Variants in SENP6 observed in about 807,000 individuals in gnomAD.
SENP6 encodes the protein SUMO specific peptidase 6, also known as sentrin-specific protease 6.
In SENP6, 41 loss-of-function variants were observed where a neutral mutation model predicts 134.5. The ratio of observed to expected loss-of-function variants is 0.30; its 90% CI spans 0.24 to 0.40. SENP6 has a LOEUF of 0.40. Among genes scored for constraint, SENP6 ranks in the 10% least tolerant of loss-of-function variants. The pLI is 1.00. For synonymous variants in SENP6, 395 were observed against 429.8 expected (o/e 0.92, Z 1.00); for missense variants, 1,248 against 1,312.5 (o/e 0.95, Z 0.76).
chr6:75,638,607 TA>T, intron 5 of SENP6, among the ~76,000 whole-genome samples: 1 of 60,152 alleles, frequency 1.7e-5, no homozygotes, highest in Non-Finnish European at 3.5e-5. Flanking sequence ...TATATATATA[TA>T]TATATATATA....
In SENP6 at chr6:75,602,492, G is replaced by A. The variant is rs1413561580; in HGVS notation, c.-33G>A. The stretch of plus-strand genomic sequence containing the variant: ...CGAGCACGGCGGCGGTGTGGGCCAT[G>A]GATTAAGAAGGAGGCGGCGTGGGAG... On this transcript the variant is annotated 5_prime_UTR_variant, in exon 1 of 24. An upstream start codon of the reference 5' UTR is lost. Transcript: ENST00000447266. 5 of 1,550,506 alleles carry A rather than the reference G, an allele frequency of 3.2e-6. No homozygotes were observed. Among genetic ancestry groups the A allele is most frequent in the Non-Finnish European group, 4.4e-6 (5 of 1,146,790 alleles).
At position 75,705,924 on chromosome 6, in the gene SENP6, CCTTTTTTTTTTTTT is replaced by C. The variant is rs1292057684; in HGVS notation, c.2716+2853_2716+2866del. ...AGTGAGTTAGAAAGCTATTTTTGAG[CCTTTTTTTTTTTTT>C]TTTTTTTTTTTTTTTTGAGATGGAG... On this transcript the variant is annotated intron_variant, in intron 19 of 23. Coordinates refer to ENST00000447266, the MANE Select transcript of SENP6 (RefSeq NM_015571.4). Among the ~76,000 whole-genome samples the C allele has an allele frequency of 4.4e-4, 39 of 89,288 alleles. 3 individuals are homozygous for C. The highest frequency in any genetic ancestry group is 7.3e-4 in the South Asian group (2 of 2,724). 58.6% of individuals were successfully genotyped at this position (89,288 alleles called of 152,430 possible). A position where few individuals can be genotyped will look rare whatever the true frequency, so the allele number is the denominator to read the frequency against.
At position 75,709,521 on chromosome 6, in the gene SENP6, A is replaced by G; in HGVS notation, c.2717-6A>G. The G allele has an allele frequency of 6.2e-7, 1 of 1,605,104 alleles. No individual in the cohort carries two copies. Among genetic ancestry groups the G allele is most frequent in the Non-Finnish European group, 8.5e-7 (1 of 1,172,010 alleles). On this transcript the variant is annotated splice_polypyrimidine_tract_variant and splice_region_variant and intron_variant, in intron 19 of 23. Transcript: ENST00000447266. ...TTTTATTATGTAATGTTTCTTATTGATACAGATGGCTTAAGCAAAATCAGA... is the reference window on the plus strand; with the variant it reads ...TTTTATTATGTAATGTTTCTTATTGGTACAGATGGCTTAAGCAAAATCAGA...
intron 16 of SENP6, 103 bp from the exon 17 acceptor site, chr6:75,695,701 C>T (rs994950743): frequency 4.5e-6 from 4 of 886,178 alleles, no homozygotes; most frequent in Non-Finnish European, 5.0e-6. Flanking sequence ...CGCTCCACTG[C>T]ACTCCAGCCT....
At position 75,647,780 on chromosome 6, in the gene SENP6, T is replaced by A. The variant is rs1770569806; in HGVS notation, c.529T>A (p.Leu177Ile). The change falls in exon 7 of 24, where the codon TTA becomes ATA. Residue 177 changes from leucine (L) to isoleucine (I), a missense_variant. Coordinates refer to ENST00000447266, the MANE Select transcript of SENP6 (RefSeq NM_015571.4). ...VQKVEINPVRLSRLQGVERIM... is the reference protein window; with the variant it reads ...VQKVEINPVRISRLQGVERIM... ...AAAAGTTGAAATTAATCCTGTAAGG[T>A]TAAGTCGGCTCCAAGGTGTTGGTAA... 6.2e-7 allele frequency: 1 copy of A among 1,612,992 alleles called. No individual in the cohort carries two copies. Among genetic ancestry groups the A allele is most frequent in the Admixed American group, 1.7e-5 (1 of 59,978 alleles).
intron 3 of SENP6, among the ~76,000 whole-genome samples, chr6:75,632,273 C>T (rs541661972): frequency 1.6e-4 from 24 of 152,126 alleles, no homozygotes; most frequent in Admixed American, 3.3e-4. Flanking sequence ...TTTTTTGGAA[C>T]GCAATTGACT....
chr6:75,604,426 A>C (rs1236138384), intron 1 of SENP6, among the ~76,000 whole-genome samples: 1 of 152,144 alleles, frequency 6.6e-6, no homozygotes, highest in Non-Finnish European at 1.5e-5. Flanking sequence ...GAGGCCAGGA[A>C]TTGGTGACCA....
At chr6:75,712,970 G>T (rs1775835749) in intron 21 of SENP6, among the ~76,000 whole-genome samples, 1 of 151,956 alleles carries the variant, frequency 6.6e-6, no homozygotes, top group African/African-American at 2.4e-5. Flanking sequence ...AGCTGAGTGT[G>T]GTCACATATG....
chr6:75,602,451 C>A lies in SENP6; in HGVS notation c.-74C>A. On this transcript the variant is annotated 5_prime_UTR_variant, in exon 1 of 24. Transcript: ENST00000447266. ...CTGCGGCGTCTACCCTCCTCCGGCG[C>A]GGCCCCTCATCCCGGCGAGCACGGC... is the stretch of plus-strand genomic sequence containing the variant. 1 of 1,514,666 alleles carries A rather than the reference C, an allele frequency of 6.6e-7. No homozygotes were observed. The highest frequency in any genetic ancestry group is 9.0e-7 in the Non-Finnish European group (1 of 1,117,292). 93.8% of individuals were successfully genotyped at this position (1,514,666 alleles called of 1,614,324 possible). A position where few individuals can be genotyped will look rare whatever the true frequency, so the allele number is the denominator to read the frequency against.
intron 19 of SENP6, 76 bp from the exon 20 acceptor site, chr6:75,709,451 G>T (rs1775620482): frequency 1.1e-6 from 1 of 901,784 alleles, no homozygotes; most frequent in Non-Finnish European, 1.8e-6. Context: ...TTAACTACTA[G>T]CATTAATTTC....
chr6:75,621,019 T>C (rs1399490170), intron 1 of SENP6, among the ~76,000 whole-genome samples: 1 of 152,216 alleles, frequency 6.6e-6, no homozygotes, highest in Non-Finnish European at 1.5e-5. Flanking sequence ...AAATTCATAA[T>C]GAGCACATTT....
In SENP6 at chr6:75,659,389, A is replaced by G. The variant is rs1771604007; in HGVS notation, c.678A>G (p.Lys226=). 6 of 1,609,252 alleles carry G rather than the reference A, an allele frequency of 3.7e-6. No individual in the cohort carries two copies. The highest frequency in any genetic ancestry group is 5.1e-6 in the Non-Finnish European group (6 of 1,177,330). The change falls in exon 8 of 24, where the codon AAA becomes AAG. Residue 226 remains lysine, a synonymous_variant. Transcript: ENST00000447266. The part of the protein sequence containing the change: ...PTPPLSPASK[K]CLTHLEDLQR... Reference sequence around the variant, plus strand: ...CTCCTCTATCTCCTGCTTCAAAAAAATGTTTAACCCATTTAGAGGTAAGTA... The same window carrying G: ...CTCCTCTATCTCCTGCTTCAAAAAAGTGTTTAACCCATTTAGAGGTAAGTA...
chr6:75,688,257 C>T (rs1773989865), intron 16 of SENP6, among the ~76,000 whole-genome samples: 1 of 152,172 alleles, frequency 6.6e-6, no homozygotes, highest in South Asian at 2.1e-4. Context: ...GGGAAAAGCA[C>T]AGTATTTGGG....
chr6:75,644,475 CTT>C (rs71002753), intron 6 of SENP6, among the ~76,000 whole-genome samples: 137 of 143,466 alleles, frequency 9.5e-4, no homozygotes, highest in African/African-American at 3.2e-3. Flanking sequence ...TTCTTTCTTT[CTT>C]TTTTTTTTTT....
At chr6:75,673,294 T>C (rs949212222) in intron 11 of SENP6, among the ~76,000 whole-genome samples, 3 of 151,348 alleles carry the variant, frequency 2.0e-5, no homozygotes, top group East Asian at 1.9e-4. Context: ...ACTTTCACAA[T>C]GTAGATGAAA....
At chr6:75,675,705 T>C (rs764281784) in intron 12 of SENP6, 155 bp from the exon 13 acceptor site, 116 of 860,802 alleles carry the variant, frequency 1.3e-4, no homozygotes, top group Non-Finnish European at 3.4e-5. Flanking sequence ...AAGGCAGTTA[T>C]AAAGATTTTT....
intron 1 of SENP6, among the ~76,000 whole-genome samples, chr6:75,614,710 G>A (rs1439488493): frequency 6.6e-6 from 1 of 152,090 alleles, no homozygotes; most frequent in Non-Finnish European, 1.5e-5. Context: ...TAATATAATG[G>A]TTCCCAAGTG....
At chr6:75,677,285 T>C in intron 14 of SENP6, 29 bp downstream of exon 14, 1 of 1,398,850 alleles carries the variant, frequency 7.1e-7, no homozygotes, top group Non-Finnish European at 9.8e-7. Flanking sequence ...TTAAAAATAT[T>C]CTTAAATTGT....
At chr6:75,673,868 A>G (rs1426513007) in intron 11 of SENP6, among the ~76,000 whole-genome samples, 1 of 151,734 alleles carries the variant, frequency 6.6e-6, no homozygotes, top group African/African-American at 2.4e-5. Context: ...TAAGACTACA[A>G]AAATTAGTGG....
Sources: gnomAD v4.1 joint callset for allele counts (sites outside exome capture counted in the v4.1 genomes callset) on GRCh38, gnomAD v4.1.1 for gene constraint, MANE v1.5 for transcripts, NCBI Gene and HGNC (gene_info 2026-07-23, HGNC 2026-07-21) for gene names.